Variants in LHX4 observed in about 807,000 individuals in gnomAD.
LHX4 encodes the protein LIM homeobox 4.
LHX4 carries 16 observed loss-of-function variants against 39.2 expected under a neutral mutation model. The observed-to-expected ratio is 0.41, with a 90% CI of 0.28 to 0.62. The LOEUF (loss-of-function observed/expected upper bound fraction) is 0.62. Ranked by LOEUF, LHX4 falls within the 20% of genes least tolerant of loss-of-function variation. The probability of loss-of-function intolerance (pLI) is 0.33; values close to 1 mark genes in which losing one functional copy is unlikely to be tolerated. For missense variants in LHX4, 439 were observed against 511.9 expected (o/e 0.86, Z 1.37); for synonymous variants, 206 against 198.1 (o/e 1.04, Z -0.33).
At chr1:180,265,395 CCT>C (rs1491226442) in intron 2 of LHX4, among the ~76,000 whole-genome samples, 1 of 152,212 alleles carries the variant, frequency 6.6e-6, no homozygotes, top group Non-Finnish European at 1.5e-5. Flanking sequence ...CTTCACTGTC[CCT>C]GTCGGCCCCC....
Position 180,274,242 on chromosome 1 carries a change from A to T in LHX4, c.836A>T (p.Asp279Val). ...AATAGGATTTATGGCAACGTGGGGGACGTTACAGGCGGACAGTTAATGAAT... is the reference window on the plus strand; with the variant it reads ...AATAGGATTTATGGCAACGTGGGGGTCGTTACAGGCGGACAGTTAATGAAT... ...HTNRIYGNVG[D>V]VTGGQLMNGS... is the part of the protein sequence containing the mutation. The change falls in exon 6 of 6, where the codon GAC (aspartate) becomes GTC (valine). Residue 279 changes from aspartate (D) to valine (V), a missense_variant. Asp to Val is a radical substitution (Grantham distance 152, BLOSUM62 -3). Coordinates refer to ENST00000263726, the MANE Select transcript of LHX4 (RefSeq NM_033343.4). 4 of 1,614,148 alleles carry T rather than the reference A, an allele frequency of 2.5e-6. No individual in the cohort carries two copies. The highest frequency in any genetic ancestry group is 3.4e-6 in the Non-Finnish European group (4 of 1,180,018).
intron 2 of LHX4, among the ~76,000 whole-genome samples, chr1:180,265,836 A>G (rs1648288507): frequency 6.6e-6 from 1 of 152,122 alleles, no homozygotes; most frequent in Non-Finnish European, 1.5e-5. Flanking sequence ...GGCAAAGGAG[A>G]GAGAACAGCT....
chr1:180,272,120 A>G (rs945050804), intron 5 of LHX4, 114 bp downstream of exon 5: 51 of 927,600 alleles, frequency 5.5e-5, no homozygotes, highest in Non-Finnish European at 7.6e-5. Context: ...CCTCCTGAAC[A>G]CAGGCTTTTC....
Position 180,266,296 on chromosome 1 carries a change from G to C in LHX4, c.249-96G>C. On this transcript the variant is annotated intron_variant, in intron 2 of 5. Coordinates refer to ENST00000263726, the MANE Select transcript of LHX4 (RefSeq NM_033343.4). The surrounding 1 kb of genome is among the most constrained non-coding windows in gnomAD (Gnocchi z 5.7). ...GGGGGGTGAGGCTCATGGAGTCCCG[G>C]AGTGGTGGGGTAGGAGGGAGGCTGC... 1 of 1,193,138 alleles carries C rather than the reference G, an allele frequency of 8.4e-7. No homozygotes were observed. The highest frequency in any genetic ancestry group is 2.3e-5 in the East Asian group (1 of 42,878). The allele number at this position is 1,193,138 out of a possible 1,614,324, so 73.9% of individuals were successfully genotyped here.
Position 180,230,521 on chromosome 1 carries a change from C to G in LHX4, c.-9C>G. ...CCGTAGACTGCGACTCGCTGGCTTT[C>G]GCTCCGAGATGATGCAGAGTGCGAC... On this transcript the variant is annotated 5_prime_UTR_variant, in exon 1 of 6. Coordinates refer to ENST00000263726, the MANE Select transcript of LHX4 (RefSeq NM_033343.4). This position sits in a 1 kb window ranked among gnomAD's most constrained non-coding sequence, Gnocchi z 5.8. 6.2e-7 allele frequency: 1 copy of G among 1,612,748 alleles called. No homozygotes were observed. Among genetic ancestry groups the G allele is most frequent in the South Asian group, 1.1e-5 (1 of 90,932 alleles).
chr1:180,259,229 G>A (rs374249045), intron 2 of LHX4, among the ~76,000 whole-genome samples: 6 of 152,234 alleles, frequency 3.9e-5, no homozygotes, highest in East Asian at 1.9e-4. Context: ...GGAGCTGACC[G>A]CTGGGCTGCA....
chr1:180,245,754 C>A (rs780866201), intron 1 of LHX4, among the ~76,000 whole-genome samples: 1 of 152,190 alleles, frequency 6.6e-6, no homozygotes, highest in Non-Finnish European at 1.5e-5. Flanking sequence ...TCATCACCCC[C>A]TTTTACAGGT....
At chr1:180,235,993 GA>G (rs1664307911) in intron 1 of LHX4, among the ~76,000 whole-genome samples, 1 of 152,184 alleles carries the variant, frequency 6.6e-6, no homozygotes. Flanking sequence ...ATAAAACCGG[GA>G]GCAGCAGGAA....
chr1:180,245,368 C>T (rs1647347133), intron 1 of LHX4, among the ~76,000 whole-genome samples: 2 of 152,218 alleles, frequency 1.3e-5, no homozygotes, highest in African/African-American at 2.4e-5. Flanking sequence ...CAAGACCTTC[C>T]AGGGCCCTCC....
Position 180,271,519 on chromosome 1 carries a change from C to T in LHX4, c.591C>T (p.Asp197=), listed in dbSNP as rs770025447. Residue 197 remains aspartate (D), a synonymous_variant, in exon 4 of 6, where the codon GAC becomes GAT. Transcript: ENST00000263726. ...REQLSSETGL[D]MRVVQVWFQN... ...AGCTGTCCTCAGAGACAGGCCTGGA[C>T]ATGAGGGTCGTACAGGTGAGATGCC... The T allele has an allele frequency of 1.2e-6, 2 of 1,614,164 alleles. No individual in the cohort carries two copies. Among genetic ancestry groups the T allele is most frequent in the Admixed American group, 1.7e-5 (1 of 60,024 alleles).
At chr1:180,241,299 A>G (rs575522394) in intron 1 of LHX4, among the ~76,000 whole-genome samples, 1 of 152,318 alleles carries the variant, frequency 6.6e-6, no homozygotes, top group Non-Finnish European at 1.5e-5. Context: ...ATTAAAAAAG[A>G]GTGTGTGTCT....
rs747745601 is a variant in LHX4, at chr1:180,272,022, G to A, written c.778+16G>A. The A allele has an allele frequency of 1.2e-6, 2 of 1,608,594 alleles. No individual in the cohort carries two copies. Among genetic ancestry groups the A allele is most frequent in the Non-Finnish European group, 1.7e-6 (2 of 1,177,904 alleles). On this transcript the variant is annotated intron_variant, in intron 5 of 5. Coordinates refer to ENST00000263726, the MANE Select transcript of LHX4 (RefSeq NM_033343.4). ...AGCTTCCGAGGTGAGCAGGGCTGGAGGGGCCAGGCCGAGGCCTTAGGAAAG... is the reference window on the plus strand; with the variant it reads ...AGCTTCCGAGGTGAGCAGGGCTGGAAGGGCCAGGCCGAGGCCTTAGGAAAG...
At chr1:180,259,587 G>A (rs984910182) in intron 2 of LHX4, among the ~76,000 whole-genome samples, 1 of 151,616 alleles carries the variant, frequency 6.6e-6, no homozygotes, top group African/African-American at 2.4e-5. Flanking sequence ...GGGGCTCAGT[G>A]GGGGAGCGGG....
At chr1:180,250,040 G>A (rs1036077520) in intron 2 of LHX4, among the ~76,000 whole-genome samples, 2 of 152,120 alleles carry the variant, frequency 1.3e-5, no homozygotes, top group South Asian at 2.1e-4. Flanking sequence ...TGACATGGGT[G>A]CCCGGCAAGT....
At position 180,274,848 on chromosome 1, in the gene LHX4, C is replaced by T. The variant is rs1281237254; in HGVS notation, c.*269C>T. ...GGGACACTGGCTTGTTGGGTCTCTCCCCTGCTGTTCTGCTTAGGGGCTTGG... is the reference window on the plus strand; with the variant it reads ...GGGACACTGGCTTGTTGGGTCTCTCTCCTGCTGTTCTGCTTAGGGGCTTGG... On this transcript the variant is annotated 3_prime_UTR_variant, in exon 6 of 6. Transcript: ENST00000263726. The T allele has an allele frequency of 1.0e-5, 4 of 385,900 alleles. No homozygotes were observed. Among genetic ancestry groups the T allele is most frequent in the Non-Finnish European group, 1.9e-5 (4 of 214,286 alleles). 23.9% of individuals were successfully genotyped at this position (385,900 alleles called of 1,614,324 possible).
upstream of LHX4, among the ~76,000 whole-genome samples, chr1:180,229,888 C>T (rs1175655180): frequency 2.0e-5 from 3 of 149,546 alleles, no homozygotes; most frequent in South Asian, 2.1e-4. Flanking sequence ...CCTGCTGCCG[C>T]GGCAGGCCAT....
In LHX4 at chr1:180,266,305, G is replaced by C. The variant is rs1648309514; in HGVS notation, c.249-87G>C. 7 of 1,301,810 alleles carry C rather than the reference G, an allele frequency of 5.4e-6. No homozygotes were observed. In the Admixed American group the frequency reaches 1.0e-4, roughly 19 times the overall value. 80.6% of individuals were successfully genotyped at this position (1,301,810 alleles called of 1,614,324 possible). On this transcript the variant is annotated intron_variant, in intron 2 of 5. Coordinates refer to ENST00000263726, the MANE Select transcript of LHX4 (RefSeq NM_033343.4). The surrounding 1 kb of genome is among the most constrained non-coding windows in gnomAD (Gnocchi z 5.7). ...GGCTCATGGAGTCCCGGAGTGGTGG[G>C]GTAGGAGGGAGGCTGCTCCAGGAAG...
chr1:180,252,034 G>A (rs999685665), intron 2 of LHX4, among the ~76,000 whole-genome samples: 3 of 152,330 alleles, frequency 2.0e-5, no homozygotes, highest in Admixed American at 6.5e-5. Context: ...AGGCACAGCT[G>A]CAGGCTCCAT....
chr1:180,241,597 G>GAAAATC (rs1664446016), intron 1 of LHX4, among the ~76,000 whole-genome samples: 1 of 152,062 alleles, frequency 6.6e-6, no homozygotes, highest in South Asian at 2.1e-4. Context: ...TTATAGATAT[G>GAAAATC]AAAATCAAGG....
Sources: allele counts gnomAD v4.1 joint callset (sites outside exome capture counted in the v4.1 genomes callset), GRCh38; gene constraint gnomAD v4.1.1; non-coding constraint Gnocchi (gnomAD v3.1); transcripts MANE v1.5; gene names NCBI Gene and HGNC (gene_info 2026-07-23, HGNC 2026-07-21).